BRD1: variants seen among roughly 807,000 people sequenced by gnomAD.
BRD1 encodes the protein bromodomain-containing protein 1.
BRD1 carries 24 observed loss-of-function variants against 107.7 expected under a neutral mutation model. That is an observed-to-expected ratio of 0.22 (90% CI 0.16 to 0.31). BRD1 has a LOEUF of 0.31. Among genes scored for constraint, BRD1 ranks in the 10% least tolerant of loss-of-function variants. The pLI, the probability that BRD1 is intolerant of heterozygous loss-of-function variation, is 1.00. For synonymous variants in BRD1, 744 were observed against 686.1 expected, an observed-to-expected ratio of 1.08 and a Z score of -1.32; for missense variants, 1,279 against 1,638.6, an observed-to-expected ratio of 0.78 and a Z score of 3.79.
intron 7 of BRD1, among the ~76,000 whole-genome samples, chr22:49,788,916 G>A (rs1427530941): frequency 6.6e-6 from 1 of 152,230 alleles, no homozygotes; most frequent in Non-Finnish European, 1.5e-5. Context: ...ACCGTTTGAA[G>A]TATGTATGGT....
At chr22:49,826,276 T>C (rs2060148092) in intron 1 of BRD1, 2 of 985,132 alleles carry the variant, frequency 2.0e-6, no homozygotes, top group Non-Finnish European at 2.4e-6. Context: ...CAACACTTTC[T>C]ACAAGGGGAG....
intron 2 of BRD1, among the ~76,000 whole-genome samples, chr22:49,819,168 G>A (rs967209036): frequency 3.9e-5 from 6 of 152,142 alleles, no homozygotes; most frequent in Admixed American, 1.3e-4. Flanking sequence ...GCTGAGGAAC[G>A]AGGATCGCTT....
intron 2 of BRD1, among the ~76,000 whole-genome samples, chr22:49,819,740 A>G (rs569360527): frequency 1.4e-4 from 21 of 151,660 alleles, no homozygotes; most frequent in African/African-American, 4.6e-4. Flanking sequence ...TGAGCCACAC[A>G]CCCAGCCCTG....
intron 7 of BRD1, among the ~76,000 whole-genome samples, chr22:49,789,779 TG>T (rs1000584383): frequency 3.9e-5 from 6 of 152,180 alleles, no homozygotes; most frequent in African/African-American, 1.4e-4. Flanking sequence ...CACTCCTGTC[TG>T]GCAGGAGCCC....
intron 8 of BRD1, among the ~76,000 whole-genome samples, chr22:49,778,179 C>T (rs577499113): frequency 1.1e-4 from 17 of 152,262 alleles, no homozygotes; most frequent in East Asian, 3.9e-4. Flanking sequence ...AACACGGGGG[C>T]GGCCTGTCCA....
intron 3 of BRD1, among the ~76,000 whole-genome samples, chr22:49,801,009 C>A (rs956803825): frequency 6.6e-6 from 1 of 152,262 alleles, no homozygotes; most frequent in Non-Finnish European, 1.5e-5. Context: ...GGCAACAGCA[C>A]CCAGCTCCTG....
At position 49,821,190 on chromosome 22, in the gene BRD1, C is replaced by T. The variant is rs189118402; in HGVS notation, c.1367+1761G>A. On this transcript the variant is annotated intron_variant, in intron 2 of 12. Coordinates refer to ENST00000404760, the MANE Select transcript of BRD1 (RefSeq NM_001304808.3). ...CAGGAGCCAAAGAACAGAGAGCGTGCGGCCCGGCCAGGCCCGGCCTCTCCC... is the reference window on the plus strand; with the variant it reads ...CAGGAGCCAAAGAACAGAGAGCGTGTGGCCCGGCCAGGCCCGGCCTCTCCC... Among the ~76,000 whole-genome samples, 314 of 152,276 alleles carry T rather than the reference C, an allele frequency of 2.1e-3. 1 individual carries two copies. Among genetic ancestry groups the T allele is most frequent in the Non-Finnish European group, 3.2e-3 (218 of 68,018 alleles).
At chr22:49,813,587 C>CT (rs902607930) in intron 2 of BRD1, among the ~76,000 whole-genome samples, 20 of 150,696 alleles carry the variant, frequency 1.3e-4, no homozygotes, top group Non-Finnish European at 2.7e-4. Context: ...AATCCCAGCA[C>CT]TTTGAGAGGC....
chr22:49,810,475 A>T (rs546904444), intron 2 of BRD1, among the ~76,000 whole-genome samples: 1 of 152,364 alleles, frequency 6.6e-6, no homozygotes, highest in African/African-American at 2.4e-5. Flanking sequence ...GAAAGCAGAT[A>T]AACTGGACTC....
At chr22:49,820,129 CA>C (rs1162507806) in intron 2 of BRD1, among the ~76,000 whole-genome samples, 1 of 148,366 alleles carries the variant, frequency 6.7e-6, no homozygotes, top group Non-Finnish European at 1.5e-5. Context: ...GACTCCACCT[CA>C]AAAAAAAGGG....
At chr22:49,776,917 T>TG in intron 10 of BRD1, 117 bp downstream of exon 10, 1 of 1,455,548 alleles carries the variant, frequency 6.9e-7, no homozygotes, top group Non-Finnish European at 9.4e-7. Context: ...TTGGCCAGGG[T>TG]GGGGCTCCAC....
chr22:49,785,763 C>A (rs909565767), intron 8 of BRD1, among the ~76,000 whole-genome samples: 6 of 152,208 alleles, frequency 3.9e-5, no homozygotes, highest in African/African-American at 1.4e-4. Context: ...CAGTTACGTG[C>A]AAAATTTTCA....
chr22:49,822,647 T>C (rs1601750562), intron 2 of BRD1, among the ~76,000 whole-genome samples: 1 of 151,654 alleles, frequency 6.6e-6, no homozygotes, highest in Non-Finnish European at 1.5e-5. Context: ...GAGGCGGGGG[T>C]TGCAGTGAGC....
At chr22:49,793,947 CTGCCCGTGTCTGGGTCTG>C (rs1238623738) in intron 7 of BRD1, 69 bp downstream of exon 7, 11 of 1,513,958 alleles carry the variant, frequency 7.3e-6, no homozygotes, top group African/African-American at 1.4e-5. Flanking sequence ...ACCAACGCTG[CTGCCCGTGTCTGGGTCTG>C]TGCCTGTGCC....
intron 9 of BRD1, 93 bp from the exon 10 acceptor site, chr22:49,777,254 G>A: frequency 1.3e-6 from 2 of 1,562,444 alleles, no homozygotes; most frequent in East Asian, 2.3e-5. Context: ...CACCAAGCTG[G>A]CCACGCATCC....
chr22:49,826,430 T>C (rs1371388102), intron 1 of BRD1, among the ~76,000 whole-genome samples: 3 of 152,206 alleles, frequency 2.0e-5, no homozygotes, highest in African/African-American at 7.2e-5. Flanking sequence ...GTTCTGTCCC[T>C]GGCCCTTCCA....
rs1458085092 is a variant in BRD1, at chr22:49,783,734, T to TA, written c.2857+3655dup. 1.5e-5 allele frequency among the ~76,000 whole-genome samples: 2 copies of TA among 135,346 alleles called. No individual in the cohort carries two copies. The highest frequency in any genetic ancestry group is 5.4e-5 in the African/African-American group (2 of 36,788). 88.8% of individuals were successfully genotyped at this position (135,346 alleles called of 152,430 possible). A position where few individuals can be genotyped will look rare whatever the true frequency, so the allele number is the denominator to read the frequency against. On this transcript the variant is annotated intron_variant, in intron 8 of 12. Coordinates refer to ENST00000404760, the MANE Select transcript of BRD1 (RefSeq NM_001304808.3). The surrounding 1 kb of genome is among the most constrained non-coding windows in gnomAD (Gnocchi z 4.2). ...CCATTCCCACTGCCGGGCTCTGACT[T>TA]ACAGAGGGGGTGGGCTGGGGTGGGG...
In BRD1 at chr22:49,827,708, G is replaced by GCGGGCT. The variant is rs891317225; in HGVS notation, c.-232_-227dup. Among the ~76,000 whole-genome samples, 131 of 144,858 alleles carry GCGGGCT rather than the reference G, an allele frequency of 9.0e-4. 3 individuals are homozygous for GCGGGCT. In the East Asian group the frequency reaches 0.018, roughly 20 times the overall value. ...ACTCTCGGGCAGCGGCTCGCGCGGC[G>GCGGGCT]CGGGCTCGGGCTCGGGGCCCAGCTG... On this transcript the variant is annotated 5_prime_UTR_variant, in exon 1 of 13. Coordinates refer to ENST00000404760, the MANE Select transcript of BRD1 (RefSeq NM_001304808.3).
At chr22:49,798,854 C>A in intron 4 of BRD1, 134 bp downstream of exon 4, 1 of 1,433,746 alleles carries the variant, frequency 7.0e-7, no homozygotes, top group Non-Finnish European at 9.2e-7. Flanking sequence ...GCCAGGCACC[C>A]AGCCTGGGCT....
Sources: gnomAD v4.1 joint callset for allele counts (sites outside exome capture counted in the v4.1 genomes callset) on GRCh38, gnomAD v4.1.1 for gene constraint, Gnocchi (gnomAD v3.1) non-coding constraint, MANE v1.5 for transcripts, NCBI Gene and HGNC (gene_info 2026-07-23, HGNC 2026-07-21) for gene names.